PPP2R3C: variants seen among roughly 807,000 people sequenced by gnomAD.
The protein encoded by PPP2R3C is serine/threonine-protein phosphatase 2A regulatory subunit B'' subunit gamma.
In PPP2R3C, 47 loss-of-function variants were observed where a neutral mutation model predicts 63.7. The ratio of observed to expected loss-of-function variants is 0.74; its 90% CI spans 0.58 to 0.94. The LOEUF (loss-of-function observed/expected upper bound fraction) is 0.94. Among genes scored for constraint, PPP2R3C ranks in the 40% least tolerant of loss-of-function variants. The probability of loss-of-function intolerance (pLI) is 0.00; values close to 1 mark genes in which losing one functional copy is unlikely to be tolerated. For synonymous variants in PPP2R3C, 180 were observed against 177.4 expected (o/e 1.01, Z -0.12); for missense variants, 421 against 518.4 (o/e 0.81, Z 1.82).
chr14:35,103,919 A>C (rs2046270079), intron 6 of PPP2R3C, among the ~76,000 whole-genome samples: 1 of 152,222 alleles, frequency 6.6e-6, no homozygotes, highest in Non-Finnish European at 1.5e-5. Flanking sequence ...CAAGGATGGA[A>C]GAAATACTTT....
intron 2 of PPP2R3C, among the ~76,000 whole-genome samples, chr14:35,113,697 A>G (rs1042388772): frequency 6.6e-6 from 1 of 152,198 alleles, no homozygotes; most frequent in African/African-American, 2.4e-5. Flanking sequence ...GGAGATAACC[A>G]AAGTTGTGAA....
At chr14:35,118,429 T>TA (rs1484832172) in intron 1 of PPP2R3C, among the ~76,000 whole-genome samples, 1 of 152,194 alleles carries the variant, frequency 6.6e-6, no homozygotes, top group Non-Finnish European at 1.5e-5. Flanking sequence ...GAACCAGACT[T>TA]ACGCAGGTGC....
At chr14:35,091,039 A>G (rs1024034273) in intron 11 of PPP2R3C, 31 bp downstream of exon 11, 3 of 1,574,774 alleles carry the variant, frequency 1.9e-6, no homozygotes, top group Non-Finnish European at 1.7e-6. Context: ...ATCTTAAGGA[A>G]CAATGACTCA....
chr14:35,090,992 G>A (rs2045795311), intron 11 of PPP2R3C, 78 bp downstream of exon 11: 1 of 1,380,602 alleles, frequency 7.2e-7, no homozygotes, highest in African/African-American at 1.4e-5. Flanking sequence ...TGGGATTACA[G>A]GCGTGAGCCA....
chr14:35,099,590 C>G, intron 6 of PPP2R3C: 1 of 540,354 alleles, frequency 1.9e-6, no homozygotes. Flanking sequence ...TACATAGTTC[C>G]AAATTCAAAG....
In PPP2R3C at chr14:35,091,175, T is replaced by C. The variant is rs2045803675; in HGVS notation, c.1008A>G (p.Ala336=). ...CTGCAGGTTCCTTTCTGTTTTCTAATGCAAGGACAAAGTCCAAGTAGGTCT... is the reference window on the plus strand; with the variant it reads ...CTGCAGGTTCCTTTCTGTTTTCTAACGCAAGGACAAAGTCCAAGTAGGTCT... The part of the protein sequence containing the change: ...DYKTYLDFVL[A]LENRKEPAAL... The change falls in exon 11 of 13, where the codon GCA becomes GCG. Residue 336 remains alanine, a synonymous_variant. Transcript: ENST00000261475. The C allele has an allele frequency of 6.2e-7, 1 of 1,611,000 alleles. No individual in the cohort carries two copies. Among genetic ancestry groups the C allele is most frequent in the African/African-American group, 1.3e-5 (1 of 74,840 alleles).
At chr14:35,115,321 C>A (rs1159699780) in intron 2 of PPP2R3C, among the ~76,000 whole-genome samples, 1 of 151,524 alleles carries the variant, frequency 6.6e-6, no homozygotes, top group Non-Finnish European at 1.5e-5. Flanking sequence ...CACCACCATG[C>A]CCGGCTAAGT....
At position 35,116,709 on chromosome 14, in the gene PPP2R3C, A is replaced by G; in HGVS notation, c.87T>C (p.Asp29=). Reference sequence around the variant, plus strand: ...ATTTTGTAAATAAATCCATTTCTTCATCTTTTAATTCTTGTTCACTTTTTT... The same window carrying G: ...ATTTTGTAAATAAATCCATTTCTTCGTCTTTTAATTCTTGTTCACTTTTTT... The part of the protein sequence containing the change: ...NKKKSEQELK[D]EEMDLFTKYY... Residue 29 remains aspartate, a synonymous_variant, in exon 2 of 13, where the codon GAT becomes GAC. Transcript: ENST00000261475. 6.3e-7 allele frequency: 1 copy of G among 1,593,766 alleles called. No individual in the cohort carries two copies.
At chr14:35,099,458 A>G in intron 6 of PPP2R3C, 74 bp from the exon 7 acceptor site, 1 of 1,466,958 alleles carries the variant, frequency 6.8e-7, no homozygotes, top group Non-Finnish European at 9.1e-7. Flanking sequence ...ATTACTAAAA[A>G]TTATTCAGCA....
At position 35,109,844 on chromosome 14, in the gene PPP2R3C, C is replaced by T; in HGVS notation, c.379G>A (p.Gly127Ser). 6.2e-7 allele frequency: 1 copy of T among 1,601,642 alleles called. No individual in the cohort carries two copies. Among genetic ancestry groups the T allele is most frequent in the South Asian group, 1.1e-5 (1 of 90,548 alleles). Residue 127 changes from glycine to serine, a missense_variant, in exon 4 of 13, where the codon GGT (glycine) becomes AGT (serine). Gly to Ser is a moderately conservative substitution (Grantham distance 56, BLOSUM62 0). Coordinates refer to ENST00000261475, the MANE Select transcript of PPP2R3C (RefSeq NM_017917.4). ...MINYENFLKV[G>S]EKAGAKCKQF... ...TTGCACTTTGCTCCAGCCTTTTCAC[C>T]AACCTTCAAAAAGTTTTCGTAATTG...
In PPP2R3C at chr14:35,116,626, G is replaced by C. The variant is rs1566428054; in HGVS notation, c.170C>G (p.Pro57Arg). 1 of 1,590,554 alleles carries C rather than the reference G, an allele frequency of 6.3e-7. No individual in the cohort carries two copies. Among genetic ancestry groups the C allele is most frequent in the Non-Finnish European group, 8.6e-7 (1 of 1,167,294 alleles). ...KNTNEFYKTI[P>R]RFYYRLPAED... ...ACTACTTACCCTATAATAAAACCGGGGAATGGTCTTATAGAATTCATTTGT... is the reference window on the plus strand; with the variant it reads ...ACTACTTACCCTATAATAAAACCGGCGAATGGTCTTATAGAATTCATTTGT... The change falls in exon 2 of 13, where the codon CCC becomes CGC. Residue 57 changes from proline to arginine, a missense_variant. Transcript: ENST00000261475.
chr14:35,093,265 T>G (rs1042331310), intron 10 of PPP2R3C, among the ~76,000 whole-genome samples: 4 of 152,084 alleles, frequency 2.6e-5, no homozygotes, highest in African/African-American at 9.7e-5. Flanking sequence ...ACTCAGATTT[T>G]TTTTTTAATG....
upstream of PPP2R3C, chr14:35,122,250 C>T (rs146900545): frequency 4.7e-6 from 2 of 425,858 alleles, no homozygotes; most frequent in African/African-American, 4.0e-5. Flanking sequence ...CCACGATAAG[C>T]CCGCGTTTTC....
At position 35,116,565 on chromosome 14, in the gene PPP2R3C, T is replaced by C. The variant is rs767929594; in HGVS notation, c.186+45A>G. On this transcript the variant is annotated intron_variant, in intron 2 of 12. Coordinates refer to ENST00000261475, the MANE Select transcript of PPP2R3C (RefSeq NM_017917.4). Reference sequence around the variant, plus strand: ...CCACCCTGCCTTGCCAAAAATTATATTTCATTTTTAAACTCTGCAGGACAT... The same window carrying C: ...CCACCCTGCCTTGCCAAAAATTATACTTCATTTTTAAACTCTGCAGGACAT... 8.3e-6 allele frequency: 12 copies of C among 1,453,778 alleles called. 1 individual carries two copies. The South Asian group carries it at 1.7e-4, about 21-fold the overall frequency. The allele number at this position is 1,453,778 out of a possible 1,614,324, so 90.1% of individuals were successfully genotyped here. A position where few individuals can be genotyped will look rare whatever the true frequency, so the allele number is the denominator to read the frequency against.
intron 7 of PPP2R3C, 69 bp from the exon 8 acceptor site, chr14:35,096,833 A>G: frequency 1.4e-6 from 2 of 1,390,134 alleles, no homozygotes; most frequent in Non-Finnish European, 1.9e-6. Context: ...ATTAAAAAAA[A>G]ATTTTTTTAA....
chr14:35,090,048 ATT>A (rs1464314382), intron 11 of PPP2R3C, among the ~76,000 whole-genome samples: 2 of 152,164 alleles, frequency 1.3e-5, no homozygotes, highest in Non-Finnish European at 2.9e-5. Flanking sequence ...ACTTAAAAAA[ATT>A]GAGTGAAAGC....
At chr14:35,121,598 T>G (rs550161582) in intron 1 of PPP2R3C, among the ~76,000 whole-genome samples, 1 of 152,206 alleles carries the variant, frequency 6.6e-6, no homozygotes, top group Non-Finnish European at 1.5e-5. Context: ...AGGACAATTA[T>G]AGGTCCTGGT....
In PPP2R3C at chr14:35,102,969, A is replaced by G. The variant is rs568151210; in HGVS notation, c.574-3585T>C. Among the ~76,000 whole-genome samples the G allele has an allele frequency of 2.2e-4, 34 of 152,238 alleles. 1 individual carries two copies. The South Asian group carries it at 6.6e-3, about 30-fold the overall frequency. On this transcript the variant is annotated intron_variant, in intron 6 of 12. Coordinates refer to ENST00000261475, the MANE Select transcript of PPP2R3C (RefSeq NM_017917.4). The stretch of plus-strand genomic sequence containing the variant: ...GAGACGGGGTTTCGTCATGTTGGCC[A>G]GGCTGGTCTTGAACTCCCGAGCTCA...
intron 2 of PPP2R3C, among the ~76,000 whole-genome samples, chr14:35,111,327 A>G (rs1159780319): frequency 2.0e-5 from 3 of 152,142 alleles, no homozygotes; most frequent in Non-Finnish European, 2.9e-5. Context: ...TTGCAAAATT[A>G]TAACAGTGAC....
Sources: allele counts gnomAD v4.1 joint callset (sites outside exome capture counted in the v4.1 genomes callset), GRCh38; gene constraint gnomAD v4.1.1; transcripts MANE v1.5; gene names NCBI Gene and HGNC (gene_info 2026-07-23, HGNC 2026-07-21).